Variants in COP1 observed in about 807,000 individuals in gnomAD.
COP1 encodes COP1 E3 ubiquitin ligase.
COP1 carries 24 observed loss-of-function variants against 101.3 expected under a neutral mutation model. That is an observed-to-expected ratio of 0.24 (90% CI 0.17 to 0.33). COP1 has a LOEUF of 0.33. Among genes scored for constraint, COP1 ranks in the 10% least tolerant of loss-of-function variants. COP1 has a pLI of 1.00. For missense variants in COP1, 663 were observed against 906.2 expected (o/e 0.73, Z 3.45); for synonymous variants, 347 against 341.9 (o/e 1.01, Z -0.17).
chr1:175,998,090 A>AAAAAAAAAAAAAAAAATG (rs1660689933), intron 15 of COP1, among the ~76,000 whole-genome samples: 1 of 103,406 alleles, frequency 9.7e-6, no homozygotes, highest in African/African-American at 3.4e-5. Flanking sequence ...AAAAAAAAAA[A>AAAAAAAAAAAAAAAAATG]GAAAATGTGG....
At chr1:176,002,429 T>C (rs1186902084) in intron 15 of COP1, among the ~76,000 whole-genome samples, 2 of 152,108 alleles carry the variant, frequency 1.3e-5, no homozygotes, top group Non-Finnish European at 2.9e-5. Context: ...TATGTATACA[T>C]GTGCCATGCT....
chr1:176,071,707 A>C (rs776269221), intron 11 of COP1, among the ~76,000 whole-genome samples: 1 of 152,210 alleles, frequency 6.6e-6, no homozygotes, highest in Non-Finnish European at 1.5e-5. Context: ...TGCTGACTAC[A>C]AAGATCTTCC....
chr1:176,156,712 CATA>C (rs576634329), intron 5 of COP1, among the ~76,000 whole-genome samples: 14 of 152,046 alleles, frequency 9.2e-5, no homozygotes, highest in African/African-American at 3.4e-4. Flanking sequence ...ATATCCATTT[CATA>C]ATAATAATAA....
intron 15 of COP1, among the ~76,000 whole-genome samples, chr1:175,998,887 T>G (rs866783207): frequency 2.6e-5 from 4 of 152,262 alleles, no homozygotes; most frequent in Non-Finnish European, 5.9e-5. Flanking sequence ...GAATGGAACT[T>G]CATTGAGTGG....
intron 9 of COP1, among the ~76,000 whole-genome samples, chr1:176,087,679 T>C (rs1305534756): frequency 6.6e-6 from 1 of 152,204 alleles, no homozygotes; most frequent in Non-Finnish European, 1.5e-5. Context: ...AATTCAACCA[T>C]TGTGGAAGAC....
intron 9 of COP1, among the ~76,000 whole-genome samples, chr1:176,090,246 G>A (rs1425918315): frequency 4.6e-5 from 7 of 151,970 alleles, no homozygotes; most frequent in African/African-American, 7.3e-5. Flanking sequence ...TTTCCAGATC[G>A]AATCAATGTA....
intron 3 of COP1, among the ~76,000 whole-genome samples, chr1:176,175,558 C>G (rs1696811437): frequency 6.6e-6 from 1 of 152,192 alleles, no homozygotes; most frequent in Admixed American, 6.5e-5. Context: ...ACCCACTGAT[C>G]TGACAGGAGA....
chr1:176,174,404 G>A (rs543327518), intron 3 of COP1, among the ~76,000 whole-genome samples: 1 of 152,218 alleles, frequency 6.6e-6, no homozygotes. Context: ...AAGGTACCAT[G>A]CCACTCAATA....
intron 1 of COP1, among the ~76,000 whole-genome samples, chr1:176,189,611 G>A (rs1011359273): frequency 6.6e-6 from 1 of 151,674 alleles, no homozygotes; most frequent in Non-Finnish European, 1.5e-5. Flanking sequence ...CAAGCAGAAG[G>A]AATATGAAGA....
intron 15 of COP1, among the ~76,000 whole-genome samples, chr1:176,008,785 T>C (rs560677023): frequency 6.6e-6 from 1 of 152,366 alleles, no homozygotes; most frequent in South Asian, 2.1e-4. Flanking sequence ...CTAAATCTGT[T>C]CAGCCTGTAA....
At chr1:175,981,074 TA>T in intron 18 of COP1, among the ~76,000 whole-genome samples, 1 of 152,314 alleles carries the variant, frequency 6.6e-6, no homozygotes, top group East Asian at 1.9e-4. Context: ...AGTCTCTAGA[TA>T]AATCAATGTT....
At chr1:176,120,048 A>G (rs1179561639) in intron 8 of COP1, among the ~76,000 whole-genome samples, 4 of 152,234 alleles carry the variant, frequency 2.6e-5, no homozygotes. Flanking sequence ...GAACTGGAAA[A>G]TCCTGGATTA....
At chr1:176,077,132 G>A (rs932727502) in intron 11 of COP1, among the ~76,000 whole-genome samples, 5 of 152,072 alleles carry the variant, frequency 3.3e-5, no homozygotes, top group African/African-American at 4.8e-5. Context: ...TATGAATCCA[G>A]CATCATCCTG....
At chr1:176,048,352 A>T (rs971500460) in intron 11 of COP1, among the ~76,000 whole-genome samples, 1 of 151,986 alleles carries the variant, frequency 6.6e-6, no homozygotes, top group Admixed American at 6.6e-5. Context: ...TTTAAAAAAA[A>T]AATTTATTCA....
chr1:176,113,304 A>C (rs182064621), intron 9 of COP1, among the ~76,000 whole-genome samples: 1 of 152,318 alleles, frequency 6.6e-6, no homozygotes, highest in African/African-American at 2.4e-5. Context: ...GTTAGTGATA[A>C]GTATTTTTAC....
chr1:176,069,178 T>G (rs1174999088), intron 11 of COP1, among the ~76,000 whole-genome samples: 1 of 151,376 alleles, frequency 6.6e-6, no homozygotes. Context: ...GGGTGAGACC[T>G]CATCTCAAGA....
At chr1:175,978,349 A>G (rs867564299) in intron 18 of COP1, among the ~76,000 whole-genome samples, 80 of 152,320 alleles carry the variant, frequency 5.3e-4, no homozygotes, top group Middle Eastern at 3.4e-3. Context: ...CTCATAAATC[A>G]TATTTTGTTG....
intron 1 of COP1, among the ~76,000 whole-genome samples, chr1:176,202,208 G>A (rs1157920833): frequency 1.3e-5 from 1 of 79,114 alleles, no homozygotes; most frequent in East Asian, 3.9e-4. Flanking sequence ...TTTTTTTTTG[G>A]AGACAGGGTC....
intron 12 of COP1, 143 bp from the exon 13 acceptor site, chr1:176,043,961 C>A: frequency 1.7e-6 from 1 of 579,546 alleles, no homozygotes; most frequent in Non-Finnish European, 3.1e-6. Flanking sequence ...CACAACATAC[C>A]TGGGAAAAGA....
Sources: gnomAD v4.1 joint callset for allele counts (sites outside exome capture counted in the v4.1 genomes callset) on GRCh38, gnomAD v4.1.1 for gene constraint, MANE v1.5 for transcripts, NCBI Gene and HGNC (gene_info 2026-07-23, HGNC 2026-07-21) for gene names.